The following CEP83 variants were observed in gnomAD, a reference collection of about 807,000 sequenced individuals.
CEP83 encodes centrosomal protein of 83 kDa.
CEP83 carries 70 observed loss-of-function variants against 101.9 expected under a neutral mutation model. That is an observed-to-expected ratio of 0.69 (90% CI 0.57 to 0.84). CEP83 has a LOEUF of 0.84. Among genes scored for constraint, CEP83 ranks in the 40% least tolerant of loss-of-function variants. The pLI, the probability that CEP83 is intolerant of heterozygous loss-of-function variation, is 0.00. For synonymous variants in CEP83, 264 were observed against 267.9 expected (o/e 0.99, Z 0.14); for missense variants, 715 against 787.2 (o/e 0.91, Z 1.10).
chr12:94,319,252 A>G (rs931084610), intron 14 of CEP83, among the ~76,000 whole-genome samples: 3 of 152,126 alleles, frequency 2.0e-5, no homozygotes, highest in African/African-American at 7.2e-5. Flanking sequence ...GTCAGTGGTA[A>G]CATCCCCTCT....
chr12:94,347,068 T>TATATACACAC (rs561705061), intron 11 of CEP83, among the ~76,000 whole-genome samples: 10 of 147,476 alleles, frequency 6.8e-5, no homozygotes, highest in African/African-American at 2.2e-4. Context: ...TATATATATA[T>TATATACACAC]ACACATACAC....
At chr12:94,312,883 C>T in intron 15 of CEP83, 31 bp downstream of exon 15, 2 of 1,300,600 alleles carry the variant, frequency 1.5e-6, no homozygotes, top group Non-Finnish European at 2.1e-6. Flanking sequence ...AAAATAACCA[C>T]ATGGGGAAGA....
At chr12:94,430,864 G>T (rs542964096) in intron 2 of CEP83, among the ~76,000 whole-genome samples, 1 of 152,028 alleles carries the variant, frequency 6.6e-6, no homozygotes, top group East Asian at 1.9e-4. Flanking sequence ...CAAAAACAGC[G>T]AAATTCATTT....
intron 14 of CEP83, among the ~76,000 whole-genome samples, chr12:94,316,549 A>AT (rs1356328893): frequency 2.6e-5 from 4 of 151,910 alleles, no homozygotes; most frequent in Non-Finnish European, 5.9e-5. Context: ...TACCCAAGTT[A>AT]TTTTTTCTGA....
At chr12:94,450,964 C>A (rs904588391) in intron 1 of CEP83, among the ~76,000 whole-genome samples, 1 of 152,144 alleles carries the variant, frequency 6.6e-6, no homozygotes, top group Non-Finnish European at 1.5e-5. Flanking sequence ...GTAATCAAGA[C>A]AGAATAGTGT....
At chr12:94,366,220 C>T (rs142865451) in intron 11 of CEP83, among the ~76,000 whole-genome samples, 1,850 of 151,424 alleles carry the variant, frequency 0.012, 21 homozygotes, top group Middle Eastern at 0.024. Flanking sequence ...AATAAATAAA[C>T]AAGGATGAGG....
rs11107510 is a variant in CEP83 at position 94,335,469 on chromosome 12, T to A, written c.1419+120A>T. 200,829 of 645,734 alleles carry A rather than the reference T, an allele frequency of 0.31. 32,491 individuals carry two copies. The highest frequency in any genetic ancestry group is 0.34 in the Non-Finnish European group (122,118 of 363,636). 40.0% of individuals were successfully genotyped at this position (645,734 alleles called of 1,614,324 possible). A position where few individuals can be genotyped will look rare whatever the true frequency, so the allele number is the denominator to read the frequency against. On this transcript the variant is annotated intron_variant, in intron 12 of 16. Coordinates refer to ENST00000397809, the MANE Select transcript of CEP83 (RefSeq NM_016122.3). Reference sequence around the variant, plus strand: ...TCTTTACATATCACCTCCAACAATATGTTACCAATTGTGGTTAGATTCTAA... The same window carrying A: ...TCTTTACATATCACCTCCAACAATAAGTTACCAATTGTGGTTAGATTCTAA...
At chr12:94,454,847 C>T (rs1163772477) in intron 1 of CEP83, among the ~76,000 whole-genome samples, 1 of 152,126 alleles carries the variant, frequency 6.6e-6, no homozygotes, top group Non-Finnish European at 1.5e-5. Context: ...TGCAGCTTCA[C>T]TCCTGAAGCC....
chr12:94,378,583 AAAT>A (rs1394181874), intron 7 of CEP83, among the ~76,000 whole-genome samples: 1 of 152,240 alleles, frequency 6.6e-6, no homozygotes, highest in Non-Finnish European at 1.5e-5. Flanking sequence ...CCCAAAGAAT[AAAT>A]ACCCCTTTGT....
At chr12:94,454,816 G>A (rs968063453) in intron 1 of CEP83, among the ~76,000 whole-genome samples, 1 of 151,928 alleles carries the variant, frequency 6.6e-6, no homozygotes, top group Non-Finnish European at 1.5e-5. Flanking sequence ...TTTAAGAGCT[G>A]TAACACTCAC....
downstream of CEP83, chr12:94,303,711 T>TAG: frequency 8.5e-7 from 1 of 1,169,810 alleles, no homozygotes; most frequent in Non-Finnish European, 1.1e-6. Context: ...TTTTTTTTTT[T>TAG]TACTCTTTTG....
chr12:94,356,820 CT>C (rs2060498909), intron 11 of CEP83, among the ~76,000 whole-genome samples: 1 of 152,176 alleles, frequency 6.6e-6, no homozygotes, highest in African/African-American at 2.4e-5. Flanking sequence ...GCAGATGAAG[CT>C]TCCATTTGGG....
At position 94,411,696 on chromosome 12, in the gene CEP83, C is replaced by T. The variant is rs772646564; in HGVS notation, c.324+1G>A. The T allele has an allele frequency of 1.3e-6, 2 of 1,593,272 alleles. No homozygotes were observed. The highest frequency in any genetic ancestry group is 2.3e-5 in the South Asian group (2 of 87,582). On this transcript the variant is annotated splice_donor_variant, in intron 4 of 16. Transcript: ENST00000397809. LOFTEE classifies it high-confidence loss of function. ...CTCAAAACTCAAATATATTTTCTCACCTGCAGTTTCATTTCTTCTAAATCT... is the reference window on the plus strand; with the variant it reads ...CTCAAAACTCAAATATATTTTCTCATCTGCAGTTTCATTTCTTCTAAATCT...
chr12:94,333,535 T>G lies in CEP83; in HGVS notation c.1524A>C (p.Gln508His). The change falls in exon 13 of 17, where the codon CAA becomes CAC. Residue 508 changes from glutamine (Q) to histidine (H), a missense_variant. By Grantham distance (24) the Gln-to-His change is conservative. Transcript: ENST00000397809. Reference protein sequence around the residue: ...MLKEMVERLKQECRNFRSQAE... With the variant: ...MLKEMVERLKHECRNFRSQAE... ...CTTGGCTTCTAAAATTTCGGCATTCTTGTTTTAATCTCTCCACCATTTCCT... is the reference window on the plus strand; with the variant it reads ...CTTGGCTTCTAAAATTTCGGCATTCGTGTTTTAATCTCTCCACCATTTCCT... 1 of 1,613,876 alleles carries G rather than the reference T, an allele frequency of 6.2e-7. No individual in the cohort carries two copies. Among genetic ancestry groups the G allele is most frequent in the Non-Finnish European group, 8.5e-7 (1 of 1,179,856 alleles).
At chr12:94,357,816 A>T (rs2136886832) in intron 11 of CEP83, among the ~76,000 whole-genome samples, 1 of 152,348 alleles carries the variant, frequency 6.6e-6, no homozygotes, top group African/African-American at 2.4e-5. Context: ...AAATTGTTAT[A>T]TCTACTTCTG....
At chr12:94,431,205 C>G (rs140362811) in intron 2 of CEP83, among the ~76,000 whole-genome samples, 3 of 152,218 alleles carry the variant, frequency 2.0e-5, no homozygotes, top group Admixed American at 2.0e-4. Context: ...AGAATGTCCC[C>G]TTCAATAAAT....
intron 1 of CEP83, among the ~76,000 whole-genome samples, chr12:94,447,362 A>C (rs934931116): frequency 1.3e-5 from 2 of 152,136 alleles, no homozygotes; most frequent in East Asian, 3.9e-4. Flanking sequence ...AAAAATAGCC[A>C]GGTGTGGTGG....
At chr12:94,345,602 T>G (rs1019746698) in intron 11 of CEP83, among the ~76,000 whole-genome samples, 1 of 152,150 alleles carries the variant, frequency 6.6e-6, no homozygotes, top group Non-Finnish European at 1.5e-5. Flanking sequence ...TACTCCAATC[T>G]TCCCCCATCT....
intron 6 of CEP83, among the ~76,000 whole-genome samples, chr12:94,384,218 G>A (rs945079734): frequency 1.3e-5 from 2 of 152,138 alleles, no homozygotes; most frequent in Admixed American, 1.3e-4. Context: ...GCTGGATATA[G>A]AATTATGAGT....
Sources: gnomAD v4.1 joint callset for allele counts (sites outside exome capture counted in the v4.1 genomes callset) on GRCh38, gnomAD v4.1.1 for gene constraint, MANE v1.5 for transcripts, NCBI Gene and HGNC (gene_info 2026-07-23, HGNC 2026-07-21) for gene names.